CCT7: variants seen among roughly 807,000 people sequenced by gnomAD.
CCT7 encodes the protein chaperonin containing TCP1 subunit 7, also known as T-complex protein 1 subunit eta.
CCT7 carries 16 observed loss-of-function variants against 56.6 expected under a neutral mutation model. That is an observed-to-expected ratio of 0.28 (90% CI 0.19 to 0.43). The LOEUF is 0.43. CCT7 is among the 20% of genes least tolerant of loss of function. CCT7 has a pLI of 1.00. For missense variants in CCT7, 519 were observed against 685.6 expected (o/e 0.76, Z 2.71); for synonymous variants, 262 against 254.8 (o/e 1.03, Z -0.27).
intron 1 of CCT7, among the ~76,000 whole-genome samples, chr2:73,235,014 C>T (rs189518556): frequency 6.6e-6 from 1 of 152,178 alleles, no homozygotes; most frequent in Non-Finnish European, 1.5e-5. Flanking sequence ...GTTGCAGCCT[C>T]TCAGCCAGGA....
intron 4 of CCT7, 101 bp from the exon 5 acceptor site, chr2:73,243,896 G>T: frequency 9.7e-7 from 1 of 1,030,404 alleles, no homozygotes. Flanking sequence ...GAAATGCTTA[G>T]GATTTGGGAG....
intron 1 of CCT7, among the ~76,000 whole-genome samples, chr2:73,238,072 C>A (rs900493760): frequency 3.9e-5 from 6 of 152,168 alleles, no homozygotes; most frequent in Non-Finnish European, 8.8e-5. Context: ...CTCCCACTCT[C>A]TTATTCCGTA....
chr2:73,240,619 T>C, intron 3 of CCT7, 76 bp downstream of exon 3: 1 of 716,522 alleles, frequency 1.4e-6, no homozygotes, highest in Non-Finnish European at 2.2e-6. Flanking sequence ...TCTATTAAAT[T>C]TTTTTAAGAT....
At chr2:73,238,983 A>G (rs548080977) in intron 1 of CCT7, 1 of 152,412 alleles carries the variant, frequency 6.6e-6, no homozygotes, top group Admixed American at 6.5e-5. Flanking sequence ...ATCTGATTGG[A>G]AATTAGTCAC....
At chr2:73,235,752 A>G (rs6714734) in intron 1 of CCT7, 19,805 of 170,840 alleles carry the variant, frequency 0.12, 1,609 homozygotes, top group African/African-American at 0.24. Flanking sequence ...AGCACTCAGC[A>G]ATGTTAGCTC....
At chr2:73,242,021 A>T (rs916536906) in intron 3 of CCT7, among the ~76,000 whole-genome samples, 1 of 151,672 alleles carries the variant, frequency 6.6e-6, no homozygotes, top group Non-Finnish European at 1.5e-5. Flanking sequence ...GATTACAGGC[A>T]TGAGCCACCG....
intron 11 of CCT7, among the ~76,000 whole-genome samples, chr2:73,251,668 C>T (rs1390785533): frequency 6.6e-6 from 1 of 152,182 alleles, no homozygotes; most frequent in East Asian, 1.9e-4. Context: ...TGGCCAGGTG[C>T]GGTGGCTCAC....
intron 9 of CCT7, 77 bp downstream of exon 9, chr2:73,249,993 GC>G: frequency 9.8e-7 from 1 of 1,019,244 alleles, no homozygotes; most frequent in South Asian, 1.3e-5. Flanking sequence ...GTGGTATACA[GC>G]TTTTACAAAG....
chr2:73,240,276 C>T, intron 2 of CCT7, 161 bp from the exon 3 acceptor site: 1 of 461,106 alleles, frequency 2.2e-6, no homozygotes, highest in Non-Finnish European at 3.8e-6. Context: ...CCTTTGTGTA[C>T]AGAGCTAATT....
chr2:73,238,145 C>G (rs982045513), intron 1 of CCT7, among the ~76,000 whole-genome samples: 1 of 152,204 alleles, frequency 6.6e-6, no homozygotes, highest in Non-Finnish European at 1.5e-5. Flanking sequence ...GTTCCCCAGG[C>G]TGGTCTTGAA....
intron 1 of CCT7, 41 bp downstream of exon 1, chr2:73,234,425 C>G (rs41285977): frequency 1.2e-6 from 2 of 1,611,282 alleles, no homozygotes; most frequent in Non-Finnish European, 1.7e-6. Context: ...CAGCTGCCAT[C>G]TGGCCGGTGG....
rs1183917109 is a variant in CCT7 at position 73,244,700 on chromosome 2, G to A, written c.603G>A (p.Gln201=). 6.2e-7 allele frequency: 1 copy of A among 1,612,206 alleles called. No individual in the cohort carries two copies. Among genetic ancestry groups the A allele is most frequent in the South Asian group, 1.1e-5 (1 of 90,814 alleles). ...QLKMIGIKKV[Q]GGALEDSQLV... is the part of the protein sequence containing the mutation. ...AAATGATTGGAATCAAGAAGGTACAGGGTGGAGCCCTCGAGGTAAGCCTGC... is the reference window on the plus strand; with the variant it reads ...AAATGATTGGAATCAAGAAGGTACAAGGTGGAGCCCTCGAGGTAAGCCTGC... Residue 201 remains glutamine, a synonymous_variant, in exon 6 of 12, where the codon CAG becomes CAA. Transcript: ENST00000258091.
intron 1 of CCT7, chr2:73,235,535 C>T: frequency 1.0e-6 from 1 of 1,001,820 alleles, no homozygotes; most frequent in Middle Eastern, 3.0e-4. Context: ...CTTCCTCTCC[C>T]CTTTATGTCT....
At position 73,252,910 on chromosome 2, in the gene CCT7, C is replaced by A; in HGVS notation, c.*49C>A. 1 of 1,427,820 alleles carries A rather than the reference C, an allele frequency of 7.0e-7. No homozygotes were observed. The highest frequency in any genetic ancestry group is 2.3e-5 in the East Asian group (1 of 42,910). 88.4% of individuals were successfully genotyped at this position (1,427,820 alleles called of 1,614,324 possible). A position where few individuals can be genotyped will look rare whatever the true frequency, so the allele number is the denominator to read the frequency against. On this transcript the variant is annotated 3_prime_UTR_variant, in exon 12 of 12. Coordinates refer to ENST00000258091, the MANE Select transcript of CCT7 (RefSeq NM_006429.4). ...CTGGCTGGCTGCTGGGTGCACTTAC[C>A]CTCCTTGGCTTGGTTACTTCATTTT...
chr2:73,250,404 A>G lies in CCT7; in HGVS notation c.1169A>G (p.His390Arg), dbSNP rs1282168670. The G allele has an allele frequency of 1.9e-6, 3 of 1,614,150 alleles. No individual in the cohort carries two copies. Among genetic ancestry groups the G allele is most frequent in the African/African-American group, 1.3e-5 (1 of 75,036 alleles). The change falls in exon 10 of 12, where the codon CAT becomes CGT. Residue 390 changes from histidine (H) to arginine (R), a missense_variant. This residue lies in a region of CCT7 where 237 missense variants were observed against 300.8 expected (regional missense o/e 0.79). Coordinates refer to ENST00000258091, the MANE Select transcript of CCT7 (RefSeq NM_006429.4). ...ATGGAGGAGACAGAGCGGTCCCTGC[A>G]TGATGCCATCATGATCGTCAGGAGG... is the stretch of plus-strand genomic sequence containing the variant. ...QFMEETERSL[H>R]DAIMIVRRAI...
At chr2:73,244,155 C>A (rs2103785272) in intron 5 of CCT7, 106 bp downstream of exon 5, 3 of 1,114,720 alleles carry the variant, frequency 2.7e-6, no homozygotes, top group Non-Finnish European at 3.9e-6. Context: ...CCACCTGCGA[C>A]TCCCAAAGTG....
rs367702574 is a variant in CCT7 at position 73,243,075 on chromosome 2, G to A, written c.339G>A (p.Glu113=). 1.5e-5 allele frequency: 24 copies of A among 1,613,900 alleles called. No individual in the cohort carries two copies. The highest frequency in any genetic ancestry group is 2.2e-5 in the East Asian group (1 of 44,898). ...EFLKQVKPYV[E]EGLHPQIIIR... is the part of the protein sequence containing the mutation. ...TGAAGCAGGTGAAACCCTATGTGGA[G>A]GAAGGTTTACACCCCCAGATCATCA... The change falls in exon 4 of 12, where the codon GAG becomes GAA. Residue 113 remains glutamate, a synonymous_variant. Coordinates refer to ENST00000258091, the MANE Select transcript of CCT7 (RefSeq NM_006429.4).
rs1277133360 is a variant in CCT7, at chr2:73,240,485, A to G, written c.209A>G (p.Asp70Gly). The G allele has an allele frequency of 1.9e-6, 3 of 1,612,324 alleles. No individual in the cohort carries two copies. Among genetic ancestry groups the G allele is most frequent in the Admixed American group, 1.7e-5 (1 of 59,808 alleles). The change falls in exon 3 of 12, where the codon GAT becomes GGT. Residue 70 changes from aspartate to glycine, a missense_variant. This residue lies in a region of CCT7 where 276 missense variants were observed against 357.3 expected (regional missense o/e 0.77). Coordinates refer to ENST00000258091, the MANE Select transcript of CCT7 (RefSeq NM_006429.4). ...NDGATILKLL[D>G]VVHPAAKTLV... ...GGGGCCACAATTCTGAAACTTCTTG[A>G]TGTTGTCCATCCTGCAGCAAAGACT...
chr2:73,240,067 C>A, intron 2 of CCT7: 1 of 391,346 alleles, frequency 2.6e-6, no homozygotes, highest in Non-Finnish European at 4.5e-6. Context: ...CCTGTGTTCA[C>A]TTCCATTGTT....
Sources: allele counts gnomAD v4.1 joint callset (sites outside exome capture counted in the v4.1 genomes callset), GRCh38; gene constraint gnomAD v4.1.1; regional missense constraint gnomAD v4.1.1; transcripts MANE v1.5; gene names NCBI Gene and HGNC (gene_info 2026-07-23, HGNC 2026-07-21).